Variants in PRELID2 observed in about 807,000 individuals in gnomAD.
PRELID2 encodes PRELI domain containing 2, also known as PRELI domain-containing protein 2.
Under a neutral mutation model 28.4 loss-of-function variants are expected in PRELID2, and 25 were observed. The ratio of observed to expected loss-of-function variants is 0.88; its 90% CI spans 0.64 to 1.23. The LOEUF (loss-of-function observed/expected upper bound fraction) is 1.23, where lower values mean the gene tolerates loss of function less well. Ranked by LOEUF, PRELID2 falls within the 50% of genes most tolerant of loss-of-function variation. The pLI, the probability that PRELID2 is intolerant of heterozygous loss-of-function variation, is 0.00. For synonymous variants in PRELID2, 76 were observed against 71.6 expected (o/e 1.06, Z -0.31); for missense variants, 201 against 214.4 (o/e 0.94, Z 0.39).
chr5:145,623,447 CAAAA>C (rs923728377), intron 1 of PRELID2, among the ~76,000 whole-genome samples: 4 of 148,880 alleles, frequency 2.7e-5, no homozygotes, highest in South Asian at 2.1e-4. Flanking sequence ...AACTCCTTCT[CAAAA>C]AAAAATAAAT....
At chr5:145,821,310 T>G (rs1453130812) in intron 2 of PRELID2, among the ~76,000 whole-genome samples, 3 of 145,340 alleles carry the variant, frequency 2.1e-5, no homozygotes, top group African/African-American at 8.4e-5. Context: ...TGTGTGTGTG[T>G]ATGTGTGTAA....
At chr5:145,604,951 T>C (rs1753480849) in intron 1 of PRELID2, among the ~76,000 whole-genome samples, 1 of 146,802 alleles carries the variant, frequency 6.8e-6, no homozygotes, top group Non-Finnish European at 1.5e-5. Flanking sequence ...TATATATTAT[T>C]TTGAATATAT....
chr5:145,726,671 T>C (rs1400109612), intron 1 of PRELID2, among the ~76,000 whole-genome samples: 1 of 152,208 alleles, frequency 6.6e-6, no homozygotes. Context: ...ATAGGCAAAG[T>C]ATGATGGATA....
chr5:145,712,888 G>T (rs1755733821), intron 1 of PRELID2, among the ~76,000 whole-genome samples: 1 of 151,976 alleles, frequency 6.6e-6, no homozygotes, highest in South Asian at 2.1e-4. Context: ...CATGAAAAGT[G>T]AAAAATATCA....
At chr5:145,432,926 A>C in the PRELID2 span, among the ~76,000 whole-genome samples, 1 of 152,204 alleles carries the variant, frequency 6.6e-6, no homozygotes. Flanking sequence ...CCATCTAAAC[A>C]GGGCATCTTC....
the PRELID2 span, among the ~76,000 whole-genome samples, chr5:145,311,488 GTGAC>G: frequency 1.3e-5 from 2 of 152,172 alleles, no homozygotes; most frequent in Non-Finnish European, 2.9e-5. Flanking sequence ...AGGAAATCCT[GTGAC>G]TGTGAATTCT....
At chr5:145,649,200 A>G (rs1448028915) in intron 1 of PRELID2, among the ~76,000 whole-genome samples, 1 of 152,210 alleles carries the variant, frequency 6.6e-6, no homozygotes, top group East Asian at 1.9e-4. Context: ...GATGACTAGC[A>G]TGAGGGAAAA....
intron 1 of PRELID2, among the ~76,000 whole-genome samples, chr5:145,570,272 C>T (rs1388563148): frequency 6.6e-6 from 1 of 152,108 alleles, no homozygotes; most frequent in Non-Finnish European, 1.5e-5. Flanking sequence ...ACAATCCAAC[C>T]CATAACAAGC....
At chr5:145,692,830 T>C (rs1755177500) in intron 1 of PRELID2, among the ~76,000 whole-genome samples, 1 of 152,240 alleles carries the variant, frequency 6.6e-6, no homozygotes, top group African/African-American at 2.4e-5. Context: ...TTATTTTACT[T>C]GCTCAGTTTT....
At chr5:145,416,920 C>T in the PRELID2 span, among the ~76,000 whole-genome samples, 7 of 151,792 alleles carry the variant, frequency 4.6e-5, no homozygotes, top group African/African-American at 1.7e-4. Flanking sequence ...CCTATGAGCC[C>T]ATAAAAAGCA....
At chr5:145,588,627 G>A (rs1753185242) in intron 1 of PRELID2, among the ~76,000 whole-genome samples, 1 of 152,272 alleles carries the variant, frequency 6.6e-6, no homozygotes, top group East Asian at 1.9e-4. Flanking sequence ...GTGCACATGT[G>A]TCAAAAATGA....
At chr5:145,727,351 C>T (rs1332732813) in intron 1 of PRELID2, among the ~76,000 whole-genome samples, 4 of 152,134 alleles carry the variant, frequency 2.6e-5, no homozygotes, top group Non-Finnish European at 5.9e-5. Context: ...GGTAGCCTTC[C>T]ACCCTTTAGC....
chr5:145,411,864 T>C, the PRELID2 span, among the ~76,000 whole-genome samples: 1 of 152,194 alleles, frequency 6.6e-6, no homozygotes, highest in Admixed American at 6.5e-5. Flanking sequence ...GTTCTTGTCT[T>C]CTGCACACCT....
the PRELID2 span, among the ~76,000 whole-genome samples, chr5:145,406,725 T>C: frequency 6.6e-6 from 1 of 152,166 alleles, no homozygotes; most frequent in African/African-American, 2.4e-5. Context: ...TGCTGCAAAC[T>C]CCATGAGCTG....
intron 1 of PRELID2, among the ~76,000 whole-genome samples, chr5:145,824,041 C>T (rs1464952883): frequency 1.3e-5 from 2 of 152,100 alleles, no homozygotes; most frequent in East Asian, 3.9e-4. Flanking sequence ...GCAAAGCCTG[C>T]CCACCTAACC....
At chr5:145,417,848 G>A in the PRELID2 span, among the ~76,000 whole-genome samples, 5 of 152,184 alleles carry the variant, frequency 3.3e-5, no homozygotes, top group African/African-American at 1.2e-4. Flanking sequence ...AGGCAAGGAT[G>A]TCCTTTCTCA....
chr5:145,757,849 A>G lies in PRELID2; in HGVS notation c.*2687T>C, dbSNP rs1406630578. Reference sequence around the variant, plus strand: ...AAAAAAAAAAGACCATAAAATTTCTAAGCCATATATGTGAAGCTGGAAGCA... The same window carrying G: ...AAAAAAAAAAGACCATAAAATTTCTGAGCCATATATGTGAAGCTGGAAGCA... On this transcript the variant is annotated 3_prime_UTR_variant, in exon 7 of 7. Transcript: ENST00000683046. Among the ~76,000 whole-genome samples the G allele has an allele frequency of 6.6e-6, 1 of 151,712 alleles. No individual in the cohort carries two copies. Among genetic ancestry groups the G allele is most frequent in the African/African-American group, 2.4e-5 (1 of 41,322 alleles).
At chr5:145,714,236 A>G (rs958834748) in intron 1 of PRELID2, among the ~76,000 whole-genome samples, 2 of 152,148 alleles carry the variant, frequency 1.3e-5, no homozygotes, top group Admixed American at 1.3e-4. Context: ...TTTAGCCTCA[A>G]TCCACTCTGT....
chr5:145,373,382 T>A, the PRELID2 span, among the ~76,000 whole-genome samples: 2 of 83,106 alleles, frequency 2.4e-5, no homozygotes, highest in Non-Finnish European at 4.4e-5. Context: ...TATTACAACA[T>A]ATATAATATA....
Sources: allele counts gnomAD v4.1 joint callset (sites outside exome capture counted in the v4.1 genomes callset), GRCh38; gene constraint gnomAD v4.1.1; transcripts MANE v1.5; gene names NCBI Gene and HGNC (gene_info 2026-07-23, HGNC 2026-07-21).